CNTNAP2: variants seen among roughly 807,000 people sequenced by gnomAD.
CNTNAP2 encodes the protein contactin-associated protein-like 2.
CNTNAP2 carries 98 observed loss-of-function variants against 155.2 expected under a neutral mutation model. The observed-to-expected ratio is 0.63, with a 90% CI of 0.54 to 0.75. The LOEUF (loss-of-function observed/expected upper bound fraction) is 0.75, where lower values mean the gene tolerates loss of function less well. Ranked by LOEUF, CNTNAP2 falls within the 30% of genes least tolerant of loss-of-function variation. The pLI is 0.00. For synonymous variants in CNTNAP2, 651 were observed against 631.2 expected, an observed-to-expected ratio of 1.03 and a Z score of -0.47; for missense variants, 1,727 against 1,688.1, an observed-to-expected ratio of 1.02 and a Z score of -0.40.
intron 14 of CNTNAP2, among the ~76,000 whole-genome samples, chr7:147,918,638 A>G (rs1024301178): frequency 6.6e-5 from 10 of 152,190 alleles, no homozygotes; most frequent in African/African-American, 2.4e-4. Flanking sequence ...AATGCCCGGT[A>G]TTAAGGTGAA....
chr7:146,511,935 G>T (rs1332998611), intron 1 of CNTNAP2, among the ~76,000 whole-genome samples: 1 of 152,034 alleles, frequency 6.6e-6, no homozygotes, highest in Non-Finnish European at 1.5e-5. Flanking sequence ...TTTTATTACT[G>T]CTTCAACTGC....
rs117779036 is a variant in CNTNAP2 at position 148,393,455 on chromosome 7, G to A, written c.3715+9567G>A. Among the ~76,000 whole-genome samples, 239 of 152,234 alleles carry A rather than the reference G, an allele frequency of 1.6e-3. 1 individual carries two copies. Among genetic ancestry groups the A allele is most frequent in the Non-Finnish European group, 2.7e-3 (183 of 68,008 alleles). ...CACTTTTCCTGCAAAAACACCAAGC[G>A]CATTTATGTATCTCAAATCAACTAT... On this transcript the variant is annotated intron_variant, in intron 22 of 23. Coordinates refer to ENST00000361727, the MANE Select transcript of CNTNAP2 (RefSeq NM_014141.6).
intron 4 of CNTNAP2, among the ~76,000 whole-genome samples, chr7:147,072,921 C>G (rs10216066): frequency 7.5e-6 from 1 of 133,230 alleles, no homozygotes; most frequent in Admixed American, 8.3e-5. Context: ...GGTGTGATCT[C>G]GGCTCACTGC....
At chr7:147,319,689 T>A (rs1347500560) in intron 9 of CNTNAP2, among the ~76,000 whole-genome samples, 3 of 152,136 alleles carry the variant, frequency 2.0e-5, no homozygotes, top group Non-Finnish European at 4.4e-5. Flanking sequence ...TGAGTAATGT[T>A]AAATATAGGA....
At chr7:147,695,371 A>G (rs1796146297) in intron 13 of CNTNAP2, among the ~76,000 whole-genome samples, 1 of 152,116 alleles carries the variant, frequency 6.6e-6, no homozygotes, top group African/African-American at 2.4e-5. Flanking sequence ...AGTGTTTTTG[A>G]GTTCAGCTAT....
intron 10 of CNTNAP2, among the ~76,000 whole-genome samples, chr7:147,398,415 A>T (rs1446762319): frequency 6.6e-6 from 1 of 150,656 alleles, no homozygotes; most frequent in Non-Finnish European, 1.5e-5. Context: ...GAAAAAAAAA[A>T]GTATAAATGA....
chr7:146,412,265 T>C (rs1297712110), intron 1 of CNTNAP2, among the ~76,000 whole-genome samples: 3 of 152,244 alleles, frequency 2.0e-5, no homozygotes, highest in African/African-American at 7.2e-5. Flanking sequence ...CACTACACGC[T>C]TCACAGCCGC....
At chr7:148,370,170 A>C (rs1345864496) in intron 21 of CNTNAP2, among the ~76,000 whole-genome samples, 7 of 151,998 alleles carry the variant, frequency 4.6e-5, no homozygotes, top group Admixed American at 4.6e-4. Flanking sequence ...CCCTCTTCCT[A>C]CCCCTGATTT....
chr7:148,274,278 G>A (rs764997100), intron 21 of CNTNAP2, among the ~76,000 whole-genome samples: 12 of 152,058 alleles, frequency 7.9e-5, no homozygotes, highest in East Asian at 1.9e-4. Context: ...TTAAGCCACC[G>A]AGACTATAGG....
chr7:146,124,250 A>T (rs181568076), intron 1 of CNTNAP2, among the ~76,000 whole-genome samples: 123 of 149,308 alleles, frequency 8.2e-4, no homozygotes, highest in East Asian at 2.9e-3. Flanking sequence ...AGTAAAATTT[A>T]AAAAAAAAAG....
chr7:147,847,908 C>T (rs1323931224), intron 13 of CNTNAP2, among the ~76,000 whole-genome samples: 6 of 122,718 alleles, frequency 4.9e-5, no homozygotes, highest in Non-Finnish European at 6.9e-5. Flanking sequence ...TTAGGCTGCT[C>T]GGGGGTCAGG....
chr7:147,037,419 C>A (rs1445369950), intron 3 of CNTNAP2, among the ~76,000 whole-genome samples: 1 of 146,922 alleles, frequency 6.8e-6, no homozygotes, highest in Non-Finnish European at 1.5e-5. Context: ...TTTGTCTTTA[C>A]TAGGTATTCG....
intron 1 of CNTNAP2, among the ~76,000 whole-genome samples, chr7:146,468,851 A>G (rs1260062540): frequency 6.6e-6 from 1 of 152,176 alleles, no homozygotes; most frequent in Non-Finnish European, 1.5e-5. Context: ...TGAAGCAAAA[A>G]TAAGAGAATG....
intron 1 of CNTNAP2, among the ~76,000 whole-genome samples, chr7:146,298,997 A>G (rs1800559727): frequency 1.3e-5 from 2 of 152,172 alleles, no homozygotes; most frequent in South Asian, 4.1e-4. Context: ...TAATACGGCC[A>G]GGTGTGGTGG....
chr7:146,661,570 G>A (rs1384190260), intron 1 of CNTNAP2, among the ~76,000 whole-genome samples: 1 of 59,248 alleles, frequency 1.7e-5, no homozygotes, highest in African/African-American at 7.6e-5. Context: ...TTAATATGAT[G>A]CTCTTGAGAC....
intron 15 of CNTNAP2, among the ~76,000 whole-genome samples, chr7:148,001,727 T>C (rs917689946): frequency 2.6e-5 from 4 of 152,238 alleles, no homozygotes; most frequent in African/African-American, 9.6e-5. Context: ...TGAAGCCATC[T>C]AGCTAGGTAC....
In CNTNAP2 at chr7:146,839,606, A is replaced by G. The variant is rs1803679894; in HGVS notation, c.209-105A>G. 5 of 1,153,186 alleles carry G rather than the reference A, an allele frequency of 4.3e-6. No homozygotes were observed. The South Asian group carries it at 6.5e-5, about 15-fold the overall frequency. The allele number at this position is 1,153,186 out of a possible 1,614,324, so 71.4% of individuals were successfully genotyped here. On this transcript the variant is annotated intron_variant, in intron 2 of 23. Coordinates refer to ENST00000361727, the MANE Select transcript of CNTNAP2 (RefSeq NM_014141.6). ...ATATTTCATAATATATCTGTGAAATAGAGCACTGCCAAGACCAATTAAGAT... is the reference window on the plus strand; with the variant it reads ...ATATTTCATAATATATCTGTGAAATGGAGCACTGCCAAGACCAATTAAGAT...
intron 1 of CNTNAP2, among the ~76,000 whole-genome samples, chr7:146,731,671 C>A (rs896925606): frequency 1.3e-5 from 2 of 152,058 alleles, no homozygotes; most frequent in African/African-American, 4.8e-5. Flanking sequence ...AAACTAAGGT[C>A]TTTCAAGAAA....
intron 8 of CNTNAP2, among the ~76,000 whole-genome samples, chr7:147,207,421 CA>C (rs1374395158): frequency 6.6e-6 from 1 of 152,022 alleles, no homozygotes; most frequent in Non-Finnish European, 1.5e-5. Context: ...AAAATGAGAA[CA>C]TTTTTACTAT....
Sources: allele counts gnomAD v4.1 joint callset (sites outside exome capture counted in the v4.1 genomes callset), GRCh38; gene constraint gnomAD v4.1.1; transcripts MANE v1.5; gene names NCBI Gene and HGNC (gene_info 2026-07-23, HGNC 2026-07-21).